The following VWA3B variants were observed in gnomAD, a reference collection of about 807,000 sequenced individuals.
VWA3B encodes von Willebrand factor A domain-containing protein 3B.
A neutral mutation model predicts 158.3 loss-of-function variants in VWA3B; 138 were observed. That is an observed-to-expected ratio of 0.87 (90% confidence interval 0.76 to 1.00). VWA3B has a LOEUF of 1.00. Ranked by LOEUF, VWA3B falls within the 50% of genes least tolerant of loss-of-function variation. The pLI, the probability that VWA3B is intolerant of heterozygous loss-of-function variation, is 0.00. For missense variants in VWA3B, 1,555 were observed against 1,565.1 expected, an observed-to-expected ratio of 0.99 and a Z score of 0.11; for synonymous variants, 596 against 587.3, an observed-to-expected ratio of 1.01 and a Z score of -0.21.
chr2:98,217,148 C>A (rs1031135911), intron 13 of VWA3B, among the ~76,000 whole-genome samples: 1 of 152,184 alleles, frequency 6.6e-6, no homozygotes, highest in African/African-American at 2.4e-5. Context: ...CCTCCTGCCC[C>A]CTCCCTGCTG....
intron 23 of VWA3B, chr2:98,291,058 A>G (rs1689466688): frequency 6.4e-6 from 1 of 157,028 alleles, no homozygotes; most frequent in Admixed American, 6.5e-5. Flanking sequence ...CAAGCCACAA[A>G]TGGGGTTGAG....
At chr2:98,319,725 T>G in the VWA3B span, among the ~76,000 whole-genome samples, 1 of 151,830 alleles carries the variant, frequency 6.6e-6, no homozygotes, top group African/African-American at 2.4e-5. Flanking sequence ...ACTAAAAATA[T>G]AAAAATTAGC....
chr2:98,170,081 C>T (rs923317440), intron 8 of VWA3B, among the ~76,000 whole-genome samples: 6 of 151,960 alleles, frequency 3.9e-5, no homozygotes, highest in African/African-American at 7.3e-5. Flanking sequence ...GAGTGGTGAT[C>T]GCACCACTGC....
rs564586362 is a variant in VWA3B at position 98,168,230 on chromosome 2, G to A, written c.1114+5254G>A. On this transcript the variant is annotated intron_variant, in intron 8 of 27. Coordinates refer to ENST00000477737, the MANE Select transcript of VWA3B (RefSeq NM_144992.5). ...ATTCCATATGTTCAAAAGCTAATAC[G>A]AGGCATATTTAAGTTTGGTGTAGTT... Among the ~76,000 whole-genome samples the A allele has an allele frequency of 4.6e-5, 7 of 152,222 alleles. No homozygotes were observed. In the South Asian group the frequency reaches 6.2e-4, roughly 14 times the overall value.
intron 26 of VWA3B, among the ~76,000 whole-genome samples, chr2:98,304,535 C>T (rs1442945610): frequency 6.6e-6 from 1 of 152,166 alleles, no homozygotes; most frequent in African/African-American, 2.4e-5. Flanking sequence ...ATGGCCTTAC[C>T]TTCTACTTCG....
At chr2:98,281,729 A>G (rs1558758642) in intron 22 of VWA3B, among the ~76,000 whole-genome samples, 1 of 152,090 alleles carries the variant, frequency 6.6e-6, no homozygotes, top group Non-Finnish European at 1.5e-5. Context: ...GCCCTCGTCC[A>G]TATCACCGAG....
At chr2:98,140,085 C>T (rs541977000) in intron 7 of VWA3B, among the ~76,000 whole-genome samples, 13 of 152,198 alleles carry the variant, frequency 8.5e-5, no homozygotes, top group African/African-American at 2.9e-4. Context: ...CCTGAGCCAG[C>T]GAGACCACGA....
chr2:98,255,182 ATTTTTTTTTTTT>A lies in VWA3B; in HGVS notation c.2793-924_2793-913del, dbSNP rs769708577. ...TCGCCCGCCACCACGCCCGGCTGAT[ATTTTTTTTTTTT>A]TTTTTTTTTTTTTTTTTAGTACAGA... is the stretch of plus-strand genomic sequence containing the variant. On this transcript the variant is annotated intron_variant, in intron 20 of 27. Transcript: ENST00000477737. Among the ~76,000 whole-genome samples, 8 of 52,140 alleles carry A rather than the reference ATTTTTTTTTTTT, an allele frequency of 1.5e-4. 1 individual carries two copies. Among genetic ancestry groups the A allele is most frequent in the Non-Finnish European group, 2.0e-4 (6 of 29,620 alleles). The allele number at this position is 52,140 out of a possible 152,430, so 34.2% of individuals were successfully genotyped here. A position where few individuals can be genotyped will look rare whatever the true frequency, so the allele number is the denominator to read the frequency against.
intron 22 of VWA3B, among the ~76,000 whole-genome samples, chr2:98,276,036 C>T (rs1014691595): frequency 3.9e-5 from 6 of 152,306 alleles, no homozygotes; most frequent in African/African-American, 9.6e-5. Flanking sequence ...AAGACTGTCC[C>T]CTCACTGCCT....
At chr2:98,168,563 A>G (rs1679306321) in intron 8 of VWA3B, among the ~76,000 whole-genome samples, 1 of 152,182 alleles carries the variant, frequency 6.6e-6, no homozygotes, top group African/African-American at 2.4e-5. Context: ...AAAGACGCAT[A>G]CTGAACTTTT....
At chr2:98,117,475 C>CG (rs1346560517) in intron 3 of VWA3B, among the ~76,000 whole-genome samples, 1 of 152,118 alleles carries the variant, frequency 6.6e-6, no homozygotes, top group African/African-American at 2.4e-5. Context: ...ACACTGGCTG[C>CG]GCTGGGGCAG....
rs374533953 is a variant in VWA3B, at chr2:98,133,891, A to G, written c.940A>G (p.Asn314Asp). The change falls in exon 7 of 28, where the codon AAT becomes GAT. Residue 314 changes from asparagine (N) to aspartate (D), a missense_variant. Physicochemically the swap from Asn to Asp is conservative, Grantham distance 23. Coordinates refer to ENST00000477737, the MANE Select transcript of VWA3B (RefSeq NM_144992.5). ...FPAFSTKDGDNVMTWNSRKLK... is the reference protein window; with the variant it reads ...FPAFSTKDGDDVMTWNSRKLK... ...TGCATTCTCCACAAAGGATGGTGAC[A>G]ATGTGATGACTTGGAATTCAAGGAA... 4.0e-5 allele frequency: 64 copies of G among 1,613,994 alleles called. No individual in the cohort carries two copies. The highest frequency in any genetic ancestry group is 1.7e-5 in the Admixed American group (1 of 59,994).
At chr2:98,300,015 G>C in intron 24 of VWA3B, 64 bp from the exon 25 acceptor site, 3 of 1,598,882 alleles carry the variant, frequency 1.9e-6, no homozygotes, top group Non-Finnish European at 1.7e-6. Context: ...TTTAAAACTT[G>C]CTTATGTTAA....
intron 8 of VWA3B, chr2:98,179,120 C>T (rs577831631): frequency 8.5e-5 from 37 of 437,832 alleles, no homozygotes; most frequent in Non-Finnish European, 1.3e-4. Flanking sequence ...TCCTACCAAG[C>T]GGCCATCGCC....
intron 12 of VWA3B, among the ~76,000 whole-genome samples, chr2:98,207,978 A>G (rs1030265752): frequency 6.6e-6 from 1 of 152,164 alleles, no homozygotes; most frequent in Non-Finnish European, 1.5e-5. Flanking sequence ...TAAAGTAGAT[A>G]AAAATAGATT....
At chr2:98,246,510 TG>T (rs1471901809) in intron 19 of VWA3B, among the ~76,000 whole-genome samples, 1 of 152,118 alleles carries the variant, frequency 6.6e-6, no homozygotes, top group Non-Finnish European at 1.5e-5. Context: ...CCCAGGCAGC[TG>T]GGATTACAGG....
intron 6 of VWA3B, among the ~76,000 whole-genome samples, chr2:98,132,762 G>C (rs1675977629): frequency 6.6e-6 from 1 of 152,218 alleles, no homozygotes; most frequent in Non-Finnish European, 1.5e-5. Flanking sequence ...TCCTGCAGGA[G>C]TTGGGAATGA....
At chr2:98,251,176 C>T (rs549586027) in intron 20 of VWA3B, among the ~76,000 whole-genome samples, 27 of 152,216 alleles carry the variant, frequency 1.8e-4, no homozygotes, top group African/African-American at 6.0e-4. Context: ...GGCACTGCAT[C>T]AAGTACTTTA....
intron 7 of VWA3B, among the ~76,000 whole-genome samples, chr2:98,144,566 CTTTT>C (rs34924678): frequency 6.9e-6 from 1 of 143,928 alleles, no homozygotes; most frequent in Non-Finnish European, 1.5e-5. Flanking sequence ...TTCTTTCTTT[CTTTT>C]TTTTTTTTTT....
Sources: gnomAD v4.1 joint callset for allele counts (sites outside exome capture counted in the v4.1 genomes callset) on GRCh38, gnomAD v4.1.1 for gene constraint, MANE v1.5 for transcripts, NCBI Gene and HGNC (gene_info 2026-07-23, HGNC 2026-07-21) for gene names.